N4BP2L2: variants seen among roughly 807,000 people sequenced by gnomAD.
N4BP2L2 encodes NEDD4-binding protein 2-like 2.
Under a neutral mutation model 56.2 loss-of-function variants are expected in N4BP2L2, and 50 were observed. That is an observed-to-expected ratio of 0.89 (90% CI 0.71 to 1.13). N4BP2L2 has a LOEUF of 1.13. N4BP2L2 is among the 50% of genes most tolerant of loss of function. The pLI is 0.00. For synonymous variants in N4BP2L2, 203 were observed against 223.6 expected (o/e 0.91, Z 0.82); for missense variants, 689 against 693.8 (o/e 0.99, Z 0.08).
At chr13:32,450,870 T>TTCTCTC (rs534768522) in intron 6 of N4BP2L2, among the ~76,000 whole-genome samples, 284 of 59,962 alleles carry the variant, frequency 4.7e-3, no homozygotes, top group Non-Finnish European at 5.5e-3. Flanking sequence ...CCCCATCCCC[T>TTCTCTC]TCTCTCTCTC....
chr13:32,453,228 C>G (rs531839472), intron 6 of N4BP2L2, among the ~76,000 whole-genome samples: 2 of 152,260 alleles, frequency 1.3e-5, no homozygotes, highest in South Asian at 2.1e-4. Context: ...TGCACTCCAG[C>G]CTGGGTGACA....
At chr13:32,467,196 A>G (rs1426419681) in intron 6 of N4BP2L2, among the ~76,000 whole-genome samples, 1 of 152,130 alleles carries the variant, frequency 6.6e-6, no homozygotes, top group Non-Finnish European at 1.5e-5. Context: ...ATACTAGCTG[A>G]TTTGAAAGAC....
intron 6 of N4BP2L2, among the ~76,000 whole-genome samples, chr13:32,489,222 T>C (rs2086541816): frequency 6.6e-6 from 1 of 152,266 alleles, no homozygotes; most frequent in Non-Finnish European, 1.5e-5. Flanking sequence ...TTCACTACAT[T>C]CTCATCAGCT....
rs749460149 is a variant in N4BP2L2 at position 32,442,619 on chromosome 13, T to C, written c.1873A>G (p.Ile625Val). The C allele has an allele frequency of 2.1e-5, 34 of 1,613,768 alleles. No individual in the cohort carries two copies. In the Admixed American group the frequency reaches 3.0e-4, roughly 14 times the overall value. ...GAAGTATCAGGATGACTATGTAAAA[T>C]TTCTGGAGAAATAAACCCTGCATCA... is the stretch of plus-strand genomic sequence containing the variant. The change falls in exon 7 of 10, where the codon ATT becomes GTT. Residue 625 changes from isoleucine to valine, a missense_variant. Physicochemically the swap from Ile to Val is conservative, Grantham distance 29 (BLOSUM62 3). Transcript: ENST00000357505.
intron 6 of N4BP2L2, among the ~76,000 whole-genome samples, chr13:32,450,460 G>T (rs1260955953): frequency 2.0e-5 from 3 of 151,818 alleles, no homozygotes; most frequent in Admixed American, 6.6e-5. Context: ...AAGTAGCTGG[G>T]ACTACAGGCG....
chr13:32,484,116 A>C (rs2085360532), intron 6 of N4BP2L2, among the ~76,000 whole-genome samples: 1 of 152,074 alleles, frequency 6.6e-6, no homozygotes, highest in South Asian at 2.1e-4. Flanking sequence ...TGAGTCCAAG[A>C]GTTTGAGACC....
intron 1 of N4BP2L2, among the ~76,000 whole-genome samples, 178 bp downstream of exon 1, chr13:32,538,440 T>G (rs889322102): frequency 6.6e-6 from 1 of 152,158 alleles, no homozygotes; most frequent in African/African-American, 2.4e-5. Flanking sequence ...CCCAGCTTTT[T>G]TGTCCCAGTG....
rs985824712 is a variant in N4BP2L2, at chr13:32,446,534, A to T, written c.366-2408T>A. ...AATAGAGTTTGTTGTTGCGTTATTC[A>T]TTCGATTAAATGGTAAAATACTAAT... is the stretch of plus-strand genomic sequence containing the variant. On this transcript the variant is annotated intron_variant, in intron 6 of 9. Coordinates refer to the N4BP2L2 transcript ENST00000357505. The T allele has an allele frequency of 3.9e-6, 5 of 1,292,900 alleles. No individual in the cohort carries two copies. In the African/African-American group the frequency reaches 7.6e-5, roughly 20 times the overall value. 80.1% of individuals were successfully genotyped at this position (1,292,900 alleles called of 1,614,324 possible). A position where few individuals can be genotyped will look rare whatever the true frequency, so the allele number is the denominator to read the frequency against.
chr13:32,454,951 CCA>C (rs1481948895), intron 6 of N4BP2L2, among the ~76,000 whole-genome samples: 1 of 152,154 alleles, frequency 6.6e-6, no homozygotes, highest in Non-Finnish European at 1.5e-5. Context: ...GGGTCAATGA[CCA>C]CAGACTCTTG....
At chr13:32,435,810 T>C (rs973395652) in intron 9 of N4BP2L2, among the ~76,000 whole-genome samples, 3 of 152,244 alleles carry the variant, frequency 2.0e-5, no homozygotes, top group Admixed American at 2.0e-4. Context: ...AAACGTATGG[T>C]AAATGCATAG....
At chr13:32,536,222 T>C (rs770395350) in exon 2 of N4BP2L2, 2 of 1,613,896 alleles carry the variant, frequency 1.2e-6, no homozygotes, top group South Asian at 1.1e-5. Flanking sequence ...ATATACTGAC[T>C]GCCATTCAGG....
intron 6 of N4BP2L2, chr13:32,478,023 C>A: frequency 7.8e-7 from 1 of 1,289,346 alleles, no homozygotes; most frequent in Non-Finnish European, 1.0e-6. Flanking sequence ...TGTACCAGAA[C>A]CTCATCCCCA....
chr13:32,486,322 T>C (rs572817152), intron 6 of N4BP2L2, among the ~76,000 whole-genome samples: 2 of 152,214 alleles, frequency 1.3e-5, no homozygotes, highest in Non-Finnish European at 2.9e-5. Flanking sequence ...CATGTCTATT[T>C]GCAGATAATA....
exon 6 of N4BP2L2, chr13:32,517,846 A>G (rs1378053982): frequency 6.2e-7 from 1 of 1,613,896 alleles, no homozygotes; most frequent in Non-Finnish European, 8.5e-7. Flanking sequence ...GAGCCAAGAG[A>G]GCCTCCCCAC....
rs2053290243 is a variant in N4BP2L2 at position 32,527,264 on chromosome 13, C to G, written c.1384+144G>C. 6 of 806,980 alleles carry G rather than the reference C, an allele frequency of 7.4e-6. No individual in the cohort carries two copies. In the African/African-American group the frequency reaches 1.0e-4, roughly 14 times the overall value. 50.0% of individuals were successfully genotyped at this position (806,980 alleles called of 1,614,324 possible). A position where few individuals can be genotyped will look rare whatever the true frequency, so the allele number is the denominator to read the frequency against. On this transcript the variant is annotated intron_variant, in intron 3 of 5. Transcript: ENST00000267068. ...CAAGTATAATTATCACCACCTCTAACAGATGGAGAAATTAGGTCTCAAAGC... is the reference window on the plus strand; with the variant it reads ...CAAGTATAATTATCACCACCTCTAAGAGATGGAGAAATTAGGTCTCAAAGC...
Position 32,492,273 on chromosome 13 carries a change from AT to A in N4BP2L2, c.365+25583del, listed in dbSNP as rs72053635. Among the ~76,000 whole-genome samples, 45 of 72,136 alleles carry A rather than the reference AT, an allele frequency of 6.2e-4. No individual in the cohort carries two copies. In the South Asian group the frequency reaches 0.012, roughly 19 times the overall value. The allele number at this position is 72,136 out of a possible 152,430, so 47.3% of individuals were successfully genotyped here. A position where few individuals can be genotyped will look rare whatever the true frequency, so the allele number is the denominator to read the frequency against. ...TTTCTACACATCCCAAAACACCAAA[AT>A]TTTTTTTTTTTTTTTTTTTTTTTTT... On this transcript the variant is annotated intron_variant, in intron 6 of 9. Coordinates refer to the N4BP2L2 transcript ENST00000357505.
exon 1 of N4BP2L2, chr13:32,538,664 C>A: frequency 1.0e-6 from 1 of 985,508 alleles, no homozygotes; most frequent in Non-Finnish European, 1.2e-6. Flanking sequence ...ATAAAACCTT[C>A]TTTTAGGAAG....
At chr13:32,471,822 G>A (rs951176193) in intron 6 of N4BP2L2, among the ~76,000 whole-genome samples, 2 of 152,234 alleles carry the variant, frequency 1.3e-5, no homozygotes, top group African/African-American at 4.8e-5. Flanking sequence ...AGCCCCTTGA[G>A]TGTTCTTTCA....
intron 2 of N4BP2L2, among the ~76,000 whole-genome samples, chr13:32,533,489 C>T (rs1192464149): frequency 1.3e-5 from 2 of 151,500 alleles, no homozygotes; most frequent in Non-Finnish European, 2.9e-5. Flanking sequence ...ACACTCATTA[C>T]CACATACCAA....
Sources: allele counts gnomAD v4.1 joint callset (sites outside exome capture counted in the v4.1 genomes callset), GRCh38; gene constraint gnomAD v4.1.1; transcripts MANE v1.5; gene names NCBI Gene and HGNC (gene_info 2026-07-23, HGNC 2026-07-21).